Variants in JARID2 observed in about 807,000 individuals in gnomAD.
JARID2 encodes jumonji and AT-rich interaction domain containing 2, also known as protein Jumonji.
A neutral mutation model predicts 125.6 loss-of-function variants in JARID2; 21 were observed. That is an observed-to-expected ratio of 0.17 (90% CI 0.12 to 0.24). The LOEUF (loss-of-function observed/expected upper bound fraction) is 0.24, where lower values mean the gene tolerates loss of function less well. Among genes scored for constraint, JARID2 ranks in the 10% least tolerant of loss-of-function variants. JARID2 has a pLI of 1.00. For missense variants in JARID2, 1,303 were observed against 1,639.6 expected, an observed-to-expected ratio of 0.79 and a Z score of 3.55; for synonymous variants, 736 against 661.6, an observed-to-expected ratio of 1.11 and a Z score of -1.73.
chr6:15,288,961 A>G (rs1761102536), intron 1 of JARID2, among the ~76,000 whole-genome samples: 1 of 152,196 alleles, frequency 6.6e-6, no homozygotes, highest in Admixed American at 6.5e-5. Context: ...AGCAGTGGAT[A>G]GTGGAGCTCA....
chr6:15,460,334 C>T lies in JARID2; in HGVS notation c.493+8159C>T, dbSNP rs191911831. On this transcript the variant is annotated intron_variant, in intron 4 of 17. Coordinates refer to ENST00000341776, the MANE Select transcript of JARID2 (RefSeq NM_004973.4). ...CAGCTGGCCTCTGACCATGTTGTGC[C>T]CTCCCTGAAGATAAGGCAGGCTTCC... Among the ~76,000 whole-genome samples, 6 of 152,202 alleles carry T rather than the reference C, an allele frequency of 3.9e-5. No homozygotes were observed. In the East Asian group the frequency reaches 9.7e-4, roughly 25 times the overall value.
chr6:15,352,655 G>A (rs562967561), intron 1 of JARID2, among the ~76,000 whole-genome samples: 1 of 152,270 alleles, frequency 6.6e-6, no homozygotes, highest in African/African-American at 2.4e-5. Flanking sequence ...CTATTAAGTA[G>A]TTCACTTGGC....
intron 2 of JARID2, among the ~76,000 whole-genome samples, chr6:15,394,398 C>A (rs1765139272): frequency 6.6e-6 from 1 of 152,088 alleles, no homozygotes; most frequent in Non-Finnish European, 1.5e-5. Flanking sequence ...GGGAGGATCG[C>A]TTCAGGCCTG....
chr6:15,410,540 A>C (rs1199392128), intron 3 of JARID2, among the ~76,000 whole-genome samples, 175 bp downstream of exon 3: 1 of 152,178 alleles, frequency 6.6e-6, no homozygotes, highest in African/African-American at 2.4e-5. Context: ...TTGTCTAATA[A>C]TTATAATTAA....
rs554850572 is a variant in JARID2, at chr6:15,416,490, A to C, written c.323+6125A>C. ...CACTCGCGGTTAGGAGCTGGAGACC[A>C]GCCCGGCCAACACAGCGAAACCCCG... On this transcript the variant is annotated intron_variant, in intron 3 of 17. Coordinates refer to ENST00000341776, the MANE Select transcript of JARID2 (RefSeq NM_004973.4). Among the ~76,000 whole-genome samples, 12 of 152,288 alleles carry C rather than the reference A, an allele frequency of 7.9e-5. No homozygotes were observed. In the South Asian group the frequency reaches 2.5e-3, roughly 32 times the overall value.
intron 1 of JARID2, among the ~76,000 whole-genome samples, chr6:15,253,991 A>T (rs1469517625): frequency 6.6e-6 from 1 of 152,218 alleles, no homozygotes; most frequent in Non-Finnish European, 1.5e-5. Context: ...AGCCCCAAAA[A>T]GGGGAGAAGA....
chr6:15,425,159 C>G (rs931156744), intron 3 of JARID2, among the ~76,000 whole-genome samples: 2 of 152,118 alleles, frequency 1.3e-5, no homozygotes, highest in African/African-American at 2.4e-5. Flanking sequence ...GTACTGATGA[C>G]AAACAGAGAA....
chr6:15,249,390 G>T (rs1368317421), intron 1 of JARID2, among the ~76,000 whole-genome samples: 1 of 152,056 alleles, frequency 6.6e-6, no homozygotes, highest in African/African-American at 2.4e-5. Context: ...TATTTTGGGG[G>T]GCTGGACCAA....
chr6:15,399,645 C>T (rs1444447656), intron 2 of JARID2, among the ~76,000 whole-genome samples: 2 of 152,206 alleles, frequency 1.3e-5, no homozygotes, highest in Admixed American at 6.5e-5. Context: ...GGTGACTTCA[C>T]TCCTGAGCAA....
At chr6:15,499,507 G>C (rs752866308) in intron 7 of JARID2, among the ~76,000 whole-genome samples, 1 of 152,198 alleles carries the variant, frequency 6.6e-6, no homozygotes, top group African/African-American at 2.4e-5. Flanking sequence ...TGTGACCTGT[G>C]TTCTGAGTCA....
intron 1 of JARID2, among the ~76,000 whole-genome samples, chr6:15,268,336 A>G (rs564376538): frequency 6.6e-6 from 1 of 152,312 alleles, no homozygotes; most frequent in East Asian, 1.9e-4. Context: ...AATGCTTGTC[A>G]TTTCCTCCTG....
chr6:15,448,356 CA>C (rs1310488958), intron 3 of JARID2, among the ~76,000 whole-genome samples: 1 of 152,180 alleles, frequency 6.6e-6, no homozygotes. Flanking sequence ...AAATATCTCA[CA>C]GTGTCTCGCT....
In JARID2 at chr6:15,340,827, G is replaced by C. The variant is rs190076742; in HGVS notation, c.46-33290G>C. 2.6e-5 allele frequency among the ~76,000 whole-genome samples: 4 copies of C among 152,320 alleles called. No individual in the cohort carries two copies. The East Asian group carries it at 5.8e-4, about 22-fold the overall frequency. ...GTAAGATAGTTTTAGATAACACTCA[G>C]TTGGCCTTATGACCTATCTGAAGTC... On this transcript the variant is annotated intron_variant, in intron 1 of 17. Transcript: ENST00000341776.
At chr6:15,510,781 C>G (rs1047859067) in intron 12 of JARID2, among the ~76,000 whole-genome samples, 4 of 152,136 alleles carry the variant, frequency 2.6e-5, no homozygotes, top group Non-Finnish European at 5.9e-5. Context: ...ATGAGCCTGG[C>G]TCCTTCCCCA....
intron 6 of JARID2, among the ~76,000 whole-genome samples, chr6:15,490,173 T>G (rs1237465069): frequency 1.3e-5 from 2 of 151,934 alleles, no homozygotes; most frequent in African/African-American, 4.9e-5. Flanking sequence ...TACAAGTGAT[T>G]AGACTGTGAC....
intron 12 of JARID2, chr6:15,508,970 T>G (rs1278210775): frequency 7.8e-7 from 1 of 1,289,256 alleles, no homozygotes; most frequent in African/African-American, 1.5e-5. Flanking sequence ...TCAGCCTCTC[T>G]GTAGAGCCAG....
intron 6 of JARID2, among the ~76,000 whole-genome samples, chr6:15,492,156 C>G (rs1212954443): frequency 6.6e-6 from 1 of 152,244 alleles, no homozygotes; most frequent in Non-Finnish European, 1.5e-5. Context: ...ACCTCACTTT[C>G]TGCAGAGCTG....
At chr6:15,313,290 G>A (rs1211217291) in intron 1 of JARID2, among the ~76,000 whole-genome samples, 1 of 152,210 alleles carries the variant, frequency 6.6e-6, no homozygotes, top group African/African-American at 2.4e-5. Flanking sequence ...GTGTGCCTGA[G>A]TATGTACACT....
chr6:15,482,440 A>C (rs1246496602), intron 5 of JARID2, among the ~76,000 whole-genome samples: 2 of 152,250 alleles, frequency 1.3e-5, no homozygotes, highest in Non-Finnish European at 2.9e-5. Context: ...TATTCATTTA[A>C]AAAATGACAC....
Sources: allele counts gnomAD v4.1 joint callset (sites outside exome capture counted in the v4.1 genomes callset), GRCh38; gene constraint gnomAD v4.1.1; transcripts MANE v1.5; gene names NCBI Gene and HGNC (gene_info 2026-07-23, HGNC 2026-07-21).